PTPRT: variants seen among roughly 807,000 people sequenced by gnomAD.
PTPRT encodes receptor-type tyrosine-protein phosphatase T.
In PTPRT, 56 loss-of-function variants were observed where a neutral mutation model predicts 176.8. The observed-to-expected ratio is 0.32, with a 90% CI of 0.26 to 0.40. PTPRT has a LOEUF of 0.40. PTPRT is among the 10% of genes least tolerant of loss of function. The pLI, the probability that PTPRT is intolerant of heterozygous loss-of-function variation, is 1.00. For synonymous variants in PTPRT, 783 were observed against 739.0 expected (o/e 1.06, Z -0.96); for missense variants, 1,540 against 1,908.2 (o/e 0.81, Z 3.60).
At chr20:42,885,686 A>G (rs1441189286) in intron 2 of PTPRT, 121 bp downstream of exon 2, 21 of 1,292,458 alleles carry the variant, frequency 1.6e-5, no homozygotes, top group Non-Finnish European at 2.2e-5. Flanking sequence ...GGAACTCACT[A>G]CCTACAGAGC....
chr20:42,677,712 A>C (rs1028640247), intron 7 of PTPRT, among the ~76,000 whole-genome samples, 154 bp downstream of exon 7: 1 of 151,992 alleles, frequency 6.6e-6, no homozygotes, highest in Non-Finnish European at 1.5e-5. Flanking sequence ...AACAAAAAAA[A>C]CCCCAAGGCC....
chr20:42,991,649 T>C (rs977235186), intron 1 of PTPRT, among the ~76,000 whole-genome samples: 2 of 152,178 alleles, frequency 1.3e-5, no homozygotes, highest in Non-Finnish European at 2.9e-5. Context: ...GAATGATGGT[T>C]GCACAACACC....
intron 13 of PTPRT, among the ~76,000 whole-genome samples, chr20:42,277,788 C>A (rs2057066609): frequency 6.6e-6 from 1 of 151,780 alleles, no homozygotes; most frequent in Admixed American, 6.6e-5. Context: ...ACCTCTGTCA[C>A]TTTTACTCCT....
At chr20:42,928,711 C>T (rs1979644223) in intron 1 of PTPRT, among the ~76,000 whole-genome samples, 1 of 152,158 alleles carries the variant, frequency 6.6e-6, no homozygotes, top group South Asian at 2.1e-4. Context: ...ACAATAACTC[C>T]TATGTTCCAG....
At chr20:42,534,637 A>G (rs564190993) in intron 7 of PTPRT, among the ~76,000 whole-genome samples, 1 of 152,278 alleles carries the variant, frequency 6.6e-6, no homozygotes, top group East Asian at 1.9e-4. Context: ...CTCCATCTCA[A>G]AAAAGAAAAA....
intron 6 of PTPRT, among the ~76,000 whole-genome samples, chr20:42,719,331 A>T (rs2076272699): frequency 6.6e-6 from 1 of 152,214 alleles, no homozygotes; most frequent in Admixed American, 6.5e-5. Context: ...TCTGGGGAAC[A>T]TTATATTTAA....
chr20:42,917,470 TTAAAG>T (rs1364247302), intron 1 of PTPRT, among the ~76,000 whole-genome samples: 1 of 152,156 alleles, frequency 6.6e-6, no homozygotes, highest in African/African-American at 2.4e-5. Context: ...CATATGAACT[TTAAAG>T]TAGTTTTTTC....
intron 15 of PTPRT, among the ~76,000 whole-genome samples, chr20:42,232,925 G>C (rs754581712): frequency 2.6e-5 from 4 of 151,448 alleles, no homozygotes; most frequent in Non-Finnish European, 5.9e-5. Flanking sequence ...TACTTCTGAT[G>C]GCCAAATGTC....
At chr20:42,715,371 TA>T (rs2076207721) in intron 6 of PTPRT, among the ~76,000 whole-genome samples, 1 of 152,188 alleles carries the variant, frequency 6.6e-6, no homozygotes, top group South Asian at 2.1e-4. Flanking sequence ...ATGAGAACTT[TA>T]AAATAGATAC....
At chr20:42,260,042 C>G (rs1014406098) in intron 13 of PTPRT, among the ~76,000 whole-genome samples, 3 of 152,184 alleles carry the variant, frequency 2.0e-5, no homozygotes, top group African/African-American at 7.2e-5. Flanking sequence ...TTAGACAACA[C>G]TACTGTCTTG....
chr20:42,568,964 C>T (rs1416570191), intron 7 of PTPRT, among the ~76,000 whole-genome samples: 1 of 141,334 alleles, frequency 7.1e-6, no homozygotes, highest in Non-Finnish European at 1.5e-5. Context: ...AGAAGAATCG[C>T]TTGAACCCGG....
chr20:42,856,170 C>T (rs568406351), intron 2 of PTPRT, among the ~76,000 whole-genome samples: 1 of 152,242 alleles, frequency 6.6e-6, no homozygotes, highest in Non-Finnish European at 1.5e-5. Flanking sequence ...AATTTAGAGA[C>T]AGATTAGAGA....
At chr20:42,543,107 C>T (rs2072612839) in intron 7 of PTPRT, among the ~76,000 whole-genome samples, 1 of 152,138 alleles carries the variant, frequency 6.6e-6, no homozygotes. Flanking sequence ...GTGGCTGTGG[C>T]AGTTTTTAAA....
chr20:42,312,801 CCTT>C (rs1253772336), intron 12 of PTPRT, among the ~76,000 whole-genome samples: 4 of 103,234 alleles, frequency 3.9e-5, no homozygotes, highest in African/African-American at 7.9e-5. Context: ...AGAGTGAGAT[CCTT>C]TTTTTTTTTT....
intron 7 of PTPRT, among the ~76,000 whole-genome samples, chr20:42,651,740 C>A (rs2145971616): frequency 6.6e-6 from 1 of 152,200 alleles, no homozygotes. Flanking sequence ...AAGCTTCACC[C>A]TCATCCTTAA....
chr20:42,751,626 A>T (rs79392248), intron 6 of PTPRT, among the ~76,000 whole-genome samples: 1,655 of 152,266 alleles, frequency 0.011, 34 homozygotes, highest in African/African-American at 0.038. Flanking sequence ...GCGTAACTAG[A>T]AAAAGCCGGC....
At chr20:42,426,009 G>A (rs2059159987) in intron 9 of PTPRT, among the ~76,000 whole-genome samples, 1 of 152,086 alleles carries the variant, frequency 6.6e-6, no homozygotes, top group South Asian at 2.1e-4. Context: ...GGAGTCCAGG[G>A]GTACCCAAAT....
At chr20:42,810,502 C>G (rs947914471) in intron 2 of PTPRT, among the ~76,000 whole-genome samples, 1 of 152,136 alleles carries the variant, frequency 6.6e-6, no homozygotes, top group Non-Finnish European at 1.5e-5. Flanking sequence ...CCTGGAGACT[C>G]CTAGTTCATG....
intron 1 of PTPRT, among the ~76,000 whole-genome samples, chr20:43,104,744 G>A (rs2012527699): frequency 6.6e-6 from 1 of 152,166 alleles, no homozygotes; most frequent in African/African-American, 2.4e-5. Flanking sequence ...TATAATCCCA[G>A]CTCCATAATT....
Sources: gnomAD v4.1 joint callset for allele counts (sites outside exome capture counted in the v4.1 genomes callset) on GRCh38, gnomAD v4.1.1 for gene constraint, MANE v1.5 for transcripts, NCBI Gene and HGNC (gene_info 2026-07-23, HGNC 2026-07-21) for gene names.